Variants in CAB39L observed in about 807,000 individuals in gnomAD.
CAB39L encodes calcium-binding protein 39-like.
Under a neutral mutation model 39.1 loss-of-function variants are expected in CAB39L, and 23 were observed. The ratio of observed to expected loss-of-function variants is 0.59; its 90% CI spans 0.42 to 0.83. The LOEUF is 0.83. CAB39L is among the 40% of genes least tolerant of loss of function. CAB39L has a pLI of 0.00. For missense variants in CAB39L, 366 were observed against 391.9 expected (o/e 0.93, Z 0.56); for synonymous variants, 126 against 137.2 (o/e 0.92, Z 0.57).
chr13:49,408,612 C>T (rs912010902), intron 3 of CAB39L, among the ~76,000 whole-genome samples: 9 of 152,014 alleles, frequency 5.9e-5, no homozygotes, highest in Non-Finnish European at 1.2e-4. Context: ...TCACTTAAGC[C>T]CAGAAGTTCA....
intron 10 of CAB39L, among the ~76,000 whole-genome samples, chr13:49,322,632 G>A (rs1954381663): frequency 2.0e-5 from 3 of 152,234 alleles, no homozygotes; most frequent in Middle Eastern, 3.4e-3. Context: ...TAGTAATACT[G>A]TAAAAAGAGG....
intron 10 of CAB39L, among the ~76,000 whole-genome samples, chr13:49,328,424 T>C (rs1954567588): frequency 6.6e-6 from 1 of 152,184 alleles, no homozygotes; most frequent in African/African-American, 2.4e-5. Context: ...AATTTTTCTG[T>C]TATTTGTCTT....
intron 10 of CAB39L, among the ~76,000 whole-genome samples, chr13:49,327,505 T>C (rs1360454756): frequency 2.0e-5 from 3 of 152,188 alleles, no homozygotes; most frequent in Non-Finnish European, 4.4e-5. Flanking sequence ...GGTTTTGCCA[T>C]GTTGGCCAGG....
intron 5 of CAB39L, among the ~76,000 whole-genome samples, chr13:49,364,910 A>G (rs1047152533): frequency 6.6e-6 from 1 of 152,202 alleles, no homozygotes; most frequent in African/African-American, 2.4e-5. Context: ...CTATCAAAAT[A>G]CCAATGACAT....
chr13:49,392,834 C>T (rs1956517939), intron 3 of CAB39L, among the ~76,000 whole-genome samples: 1 of 151,828 alleles, frequency 6.6e-6, no homozygotes, highest in Non-Finnish European at 1.5e-5. Flanking sequence ...GTTTACAAAA[C>T]AAAATACCAA....
intron 3 of CAB39L, among the ~76,000 whole-genome samples, chr13:49,388,517 A>G (rs1956417124): frequency 1.3e-5 from 2 of 152,246 alleles, no homozygotes; most frequent in African/African-American, 4.8e-5. Flanking sequence ...TGATAAGTAA[A>G]GTCTATAACA....
In CAB39L at chr13:49,350,815, A is replaced by C; in HGVS notation, c.493T>G (p.Phe165Val). The C allele has an allele frequency of 6.2e-7, 1 of 1,611,572 alleles. No individual in the cohort carries two copies. The highest frequency in any genetic ancestry group is 8.5e-7 in the Non-Finnish European group (1 of 1,178,662). ...LAKIILFSNQ[F>V]RDFFKYVELS... Reference sequence around the variant, plus strand: ...TCCACGTACTTAAAGAAATCTCTGAATTGATTAGAAAAGAGGATGATTTTG... The same window carrying C: ...TCCACGTACTTAAAGAAATCTCTGACTTGATTAGAAAAGAGGATGATTTTG... Residue 165 changes from phenylalanine to valine, a missense_variant, in exon 7 of 11, where the codon TTC (phenylalanine) becomes GTC (valine). By Grantham distance (50) the Phe-to-Val change is conservative (BLOSUM62 -1). Transcript: ENST00000409308.
At position 49,354,601 on chromosome 13, in the gene CAB39L, C is replaced by G. The variant is rs192230346; in HGVS notation, c.396-3689G>C. Among the ~76,000 whole-genome samples, 338 of 152,298 alleles carry G rather than the reference C, an allele frequency of 2.2e-3. 2 individuals are homozygous for G. Among genetic ancestry groups the G allele is most frequent in the African/African-American group, 7.8e-3 (322 of 41,548 alleles). ...TACTGCATTTTCCACAATGGCTAACCCATGGCAGGTCCCCAGTAAAGGTTA... is the reference window on the plus strand; with the variant it reads ...TACTGCATTTTCCACAATGGCTAACGCATGGCAGGTCCCCAGTAAAGGTTA... On this transcript the variant is annotated intron_variant, in intron 6 of 10. Transcript: ENST00000409308.
intron 1 of CAB39L, 135 bp from the exon 2 acceptor site, chr13:49,434,358 G>A (rs1957374697): frequency 2.8e-6 from 1 of 351,320 alleles, no homozygotes; most frequent in African/African-American, 2.2e-5. Context: ...AAAATAAGAT[G>A]GGTCTCAATG....
At chr13:49,354,263 T>C (rs1349070412) in intron 6 of CAB39L, among the ~76,000 whole-genome samples, 6 of 152,246 alleles carry the variant, frequency 3.9e-5, no homozygotes, top group Non-Finnish European at 8.8e-5. Flanking sequence ...TCTGTCATTC[T>C]GAGATTACAA....
intron 9 of CAB39L, among the ~76,000 whole-genome samples, chr13:49,337,724 G>A (rs959049272): frequency 8.0e-6 from 1 of 124,430 alleles, no homozygotes; most frequent in African/African-American, 3.3e-5. Flanking sequence ...TCGTCTAGCT[G>A]CTCTGGCGCA....
At chr13:49,346,308 C>G (rs1434103214) in intron 7 of CAB39L, among the ~76,000 whole-genome samples, 1 of 142,146 alleles carries the variant, frequency 7.0e-6, no homozygotes, top group African/African-American at 2.6e-5. Context: ...AATATAATTG[C>G]TGCATTATAG....
chr13:49,310,938 T>G lies in CAB39L; in HGVS notation c.890A>C (p.Asn297Thr). 6.2e-7 allele frequency: 1 copy of G among 1,614,132 alleles called. No individual in the cohort carries two copies. The highest frequency in any genetic ancestry group is 8.5e-7 in the Non-Finnish European group (1 of 1,179,996). ...TQPIVEILLK[N>T]QPKLIEFLSS... ...CAGAAACTCAATGAGTTTGGGCTGA[T>G]TTTTTAACAGGATCTCCACAATAGG... Residue 297 changes from asparagine to threonine, a missense_variant, in exon 11 of 11, where the codon AAT (asparagine) becomes ACT (threonine). Coordinates refer to ENST00000409308, the MANE Select transcript of CAB39L (RefSeq NM_001079670.3).
chr13:49,395,575 C>T (rs946708990), intron 3 of CAB39L, among the ~76,000 whole-genome samples: 5 of 152,084 alleles, frequency 3.3e-5, no homozygotes, highest in Admixed American at 6.5e-5. Flanking sequence ...ATTTCTTTGG[C>T]TATAAAGTTT....
At chr13:49,352,993 A>C (rs1255030371) in intron 6 of CAB39L, among the ~76,000 whole-genome samples, 2 of 152,260 alleles carry the variant, frequency 1.3e-5, no homozygotes, top group Non-Finnish European at 2.9e-5. Context: ...ACTACTTTCC[A>C]ATATCAAATT....
intron 3 of CAB39L, among the ~76,000 whole-genome samples, chr13:49,396,192 A>G (rs540518113): frequency 6.6e-6 from 1 of 152,136 alleles, no homozygotes; most frequent in African/African-American, 2.4e-5. Flanking sequence ...GCCAAAAGAG[A>G]TGTCTCAACA....
At chr13:49,389,653 C>T (rs1956445000) in intron 3 of CAB39L, among the ~76,000 whole-genome samples, 1 of 152,148 alleles carries the variant, frequency 6.6e-6, no homozygotes, top group South Asian at 2.1e-4. Context: ...AAACAAAACA[C>T]TGCTTTAAAA....
At chr13:49,405,770 A>AGGGAGGGACG in intron 3 of CAB39L, among the ~76,000 whole-genome samples, 1 of 69,796 alleles carries the variant, frequency 1.4e-5, no homozygotes, top group South Asian at 4.5e-4. Flanking sequence ...ACGGAGGGAC[A>AGGGAGGGACG]GAGGGAGGGA....
intron 1 of CAB39L, among the ~76,000 whole-genome samples, chr13:49,437,258 T>G (rs1004531550): frequency 6.6e-6 from 1 of 152,154 alleles, no homozygotes; most frequent in Non-Finnish European, 1.5e-5. Context: ...TAATAAAGTG[T>G]TTTTTTGTTT....
Sources: gnomAD v4.1 joint callset for allele counts (sites outside exome capture counted in the v4.1 genomes callset) on GRCh38, gnomAD v4.1.1 for gene constraint, MANE v1.5 for transcripts, NCBI Gene and HGNC (gene_info 2026-07-23, HGNC 2026-07-21) for gene names.